The following CTNNA3 variants were observed in gnomAD, a reference collection of about 807,000 sequenced individuals.
CTNNA3 encodes catenin alpha-3.
In CTNNA3, 76 loss-of-function variants were observed where a neutral mutation model predicts 95.7. The ratio of observed to expected loss-of-function variants is 0.79; its 90% CI spans 0.66 to 0.96. The LOEUF is 0.96. CTNNA3 is among the 40% of genes least tolerant of loss of function. The pLI, the probability that CTNNA3 is intolerant of heterozygous loss-of-function variation, is 0.00. For synonymous variants in CTNNA3, 431 were observed against 374.4 expected, an observed-to-expected ratio of 1.15 and a Z score of -1.74; for missense variants, 1,191 against 1,089.8, an observed-to-expected ratio of 1.09 and a Z score of -1.31.
At chr10:67,048,245 G>A (rs1429638010) in intron 7 of CTNNA3, among the ~76,000 whole-genome samples, 3 of 151,982 alleles carry the variant, frequency 2.0e-5, no homozygotes, top group South Asian at 2.1e-4. Context: ...TTATATAAAC[G>A]AGGAAGAAAA....
chr10:66,197,702 C>T (rs566402921), intron 13 of CTNNA3, among the ~76,000 whole-genome samples: 3 of 152,220 alleles, frequency 2.0e-5, no homozygotes, highest in Non-Finnish European at 4.4e-5. Flanking sequence ...TTCTCAAAAA[C>T]ATGTCACAAA....
At chr10:66,203,517 A>C (rs12259429) in intron 13 of CTNNA3, among the ~76,000 whole-genome samples, 24,260 of 152,002 alleles carry the variant, frequency 0.16, 2,385 homozygotes, top group Middle Eastern at 0.22. Flanking sequence ...AATATTATAG[A>C]GTAATCTTAG....
intron 5 of CTNNA3, among the ~76,000 whole-genome samples, chr10:67,351,069 C>A (rs993010597): frequency 4.0e-5 from 6 of 151,714 alleles, no homozygotes; most frequent in Admixed American, 3.9e-4. Flanking sequence ...ATACATGCAA[C>A]AAAGGGATGA....
intron 9 of CTNNA3, among the ~76,000 whole-genome samples, chr10:66,739,032 T>A (rs1167669863): frequency 6.6e-6 from 1 of 152,080 alleles, no homozygotes; most frequent in Non-Finnish European, 1.5e-5. Context: ...AAAATAAATT[T>A]CAGTCATCTC....
At chr10:67,474,187 C>A (rs1306383725) in intron 5 of CTNNA3, among the ~76,000 whole-genome samples, 1 of 152,110 alleles carries the variant, frequency 6.6e-6, no homozygotes, top group Non-Finnish European at 1.5e-5. Flanking sequence ...AAATACTATG[C>A]CATTTTATAT....
At chr10:67,315,264 C>T (rs1344176379) in intron 5 of CTNNA3, among the ~76,000 whole-genome samples, 2 of 152,144 alleles carry the variant, frequency 1.3e-5, no homozygotes, top group Non-Finnish European at 2.9e-5. Context: ...GTAAACTCCC[C>T]ATCTTTTCCT....
At chr10:66,831,269 A>G (rs1269242076) in intron 7 of CTNNA3, among the ~76,000 whole-genome samples, 2 of 152,212 alleles carry the variant, frequency 1.3e-5, no homozygotes, top group African/African-American at 2.4e-5. Context: ...ATCCATAAGC[A>G]GTAAGGCCTT....
rs115706037 is a variant in CTNNA3 at position 66,703,119 on chromosome 10, T to A, written c.1281+63145A>T. Reference sequence around the variant, plus strand: ...TAAGGAGGTCAGACACCATCTTTTTTTCTCAGTTGGCCCACAGAATTCTTC... The same window carrying A: ...TAAGGAGGTCAGACACCATCTTTTTATCTCAGTTGGCCCACAGAATTCTTC... On this transcript the variant is annotated intron_variant, in intron 9 of 17. Transcript: ENST00000433211. Among the ~76,000 whole-genome samples the A allele has an allele frequency of 6.7e-3, 1,017 of 152,286 alleles. 6 individuals are homozygous for A. Among genetic ancestry groups the A allele is most frequent in the African/African-American group, 0.023 (950 of 41,562 alleles).
chr10:65,969,634 G>A (rs947985034), intron 16 of CTNNA3, among the ~76,000 whole-genome samples: 1 of 152,142 alleles, frequency 6.6e-6, no homozygotes, highest in African/African-American at 2.4e-5. Context: ...ACAACTGGAA[G>A]CTTCACCAAT....
chr10:66,293,207 C>G (rs1052598484), intron 12 of CTNNA3, among the ~76,000 whole-genome samples: 1 of 152,088 alleles, frequency 6.6e-6, no homozygotes, highest in African/African-American at 2.4e-5. Context: ...TGAGGTAAAA[C>G]AAGAACATAA....
chr10:67,690,342 T>C (rs554738235), intron 1 of CTNNA3, among the ~76,000 whole-genome samples: 1 of 152,110 alleles, frequency 6.6e-6, no homozygotes, highest in African/African-American at 2.4e-5. Flanking sequence ...AGATTTATTA[T>C]GAAGAGTGAA....
intron 2 of CTNNA3, among the ~76,000 whole-genome samples, chr10:67,643,173 G>A (rs1386895776): frequency 6.6e-6 from 1 of 152,202 alleles, no homozygotes; most frequent in South Asian, 2.1e-4. Flanking sequence ...CCTTTGTAGG[G>A]ACATGGATGG....
chr10:65,969,362 CATGAAAATTCAAAAT>C (rs751657569), intron 16 of CTNNA3, among the ~76,000 whole-genome samples: 10 of 152,038 alleles, frequency 6.6e-5, no homozygotes, highest in Non-Finnish European at 1.2e-4. Flanking sequence ...ATTCTAGCAC[CATGAAAATTCAAAAT>C]GTAGTGATAC....
chr10:66,790,958 C>T (rs913663050), intron 7 of CTNNA3, among the ~76,000 whole-genome samples: 30 of 152,138 alleles, frequency 2.0e-4, no homozygotes, highest in African/African-American at 6.5e-4. Flanking sequence ...TTCACTTTTA[C>T]CTTTACCATC....
intron 7 of CTNNA3, among the ~76,000 whole-genome samples, chr10:66,829,854 TTTGTTGTTGTTGTTG>T (rs59424993): frequency 2.0e-5 from 3 of 148,256 alleles, no homozygotes; most frequent in African/African-American, 5.0e-5. Context: ...CCCCAGGGGA[TTTGTTGTTGTTGTTG>T]TTGTTGTTGT....
chr10:67,049,647 C>A (rs10762133), intron 7 of CTNNA3, among the ~76,000 whole-genome samples: 84,561 of 151,866 alleles, frequency 0.56, 23,915 homozygotes, highest in East Asian at 0.78. Flanking sequence ...AACCAACACA[C>A]CTGAATTTTC....
At chr10:66,775,237 T>C (rs1840245852) in intron 8 of CTNNA3, among the ~76,000 whole-genome samples, 1 of 152,204 alleles carries the variant, frequency 6.6e-6, no homozygotes, top group African/African-American at 2.4e-5. Context: ...TTCTGTCTGA[T>C]AAGGCACACA....
At chr10:66,552,921 A>G (rs918448632) in intron 10 of CTNNA3, among the ~76,000 whole-genome samples, 5 of 151,690 alleles carry the variant, frequency 3.3e-5, no homozygotes, top group Admixed American at 6.6e-5. Context: ...TCAAAAATCT[A>G]TTTTCTCTGA....
intron 6 of CTNNA3, among the ~76,000 whole-genome samples, chr10:67,217,480 A>G (rs1171841159): frequency 6.6e-6 from 1 of 152,152 alleles, no homozygotes; most frequent in Non-Finnish European, 1.5e-5. Context: ...TCTCAGAGAA[A>G]TATCTTTTGG....
Sources: allele counts gnomAD v4.1 joint callset (sites outside exome capture counted in the v4.1 genomes callset), GRCh38; gene constraint gnomAD v4.1.1; transcripts MANE v1.5; gene names NCBI Gene and HGNC (gene_info 2026-07-23, HGNC 2026-07-21).